Variants in CCN5 observed in about 807,000 individuals in gnomAD.
CCN5 encodes the protein CCN family member 5.
CCN5 carries 17 observed loss-of-function variants against 18.7 expected under a neutral mutation model. The ratio of observed to expected loss-of-function variants is 0.91; its 90% CI spans 0.62 to 1.36. The LOEUF (loss-of-function observed/expected upper bound fraction) is 1.36, where lower values mean the gene tolerates loss of function less well. Ranked by LOEUF, CCN5 falls within the 40% of genes most tolerant of loss-of-function variation. CCN5 has a pLI of 0.00. For missense variants in CCN5, 367 were observed against 342.9 expected (o/e 1.07, Z -0.56); for synonymous variants, 135 against 145.2 (o/e 0.93, Z 0.50).
chr20:44,725,908 A>T (rs2065933231), intron 3 of CCN5, among the ~76,000 whole-genome samples: 1 of 152,086 alleles, frequency 6.6e-6, no homozygotes, highest in East Asian at 1.9e-4. Flanking sequence ...GTGACTTTCT[A>T]AAAAAGGCAA....
intron 3 of CCN5, among the ~76,000 whole-genome samples, chr20:44,726,426 G>A (rs766755029): frequency 6.6e-6 from 1 of 151,964 alleles, no homozygotes; most frequent in Non-Finnish European, 1.5e-5. Context: ...AGTGACAATT[G>A]GGGCAAGTAA....
Position 44,724,798 on chromosome 20 carries a change from T to C in CCN5, c.338T>C (p.Phe113Ser), listed in dbSNP as rs1357186133. ...CGCCTGTATCGGGAAGGGGAGACCT[T>C]CCAGCCCCACTGCAGCATCCGCTGC... ...NGRLYREGET[F>S]QPHCSIRCRC... Residue 113 changes from phenylalanine (F) to serine (S), a missense_variant, in exon 3 of 4, where the codon TTC becomes TCC. By Grantham distance (155) the Phe-to-Ser change is radical (BLOSUM62 -2). Transcript: ENST00000190983. The C allele has an allele frequency of 1.2e-5, 20 of 1,612,378 alleles. No individual in the cohort carries two copies. Among genetic ancestry groups the C allele is most frequent in the Non-Finnish European group, 1.7e-5 (20 of 1,179,860 alleles).
At chr20:44,716,734 T>C (rs1202279546) in intron 1 of CCN5, 1 of 152,296 alleles carries the variant, frequency 6.6e-6, no homozygotes, top group African/African-American at 2.4e-5. Context: ...ACTGTAAGTC[T>C]TCCAGGCTGG....
chr20:44,727,516 CT>C lies in CCN5; in HGVS notation c.*212del. ...TGGCAGAGGTGCAAGACCTAGTCCC[CT>C]TTCCTCTAACTCACTGCCTAGGAGG... is the stretch of plus-strand genomic sequence containing the variant. On this transcript the variant is annotated 3_prime_UTR_variant, in exon 4 of 4. Transcript: ENST00000190983. The C allele has an allele frequency of 7.2e-7, 1 of 1,390,640 alleles. No individual in the cohort carries two copies. Among genetic ancestry groups the C allele is most frequent in the Non-Finnish European group, 9.4e-7 (1 of 1,069,110 alleles). 86.1% of individuals were successfully genotyped at this position (1,390,640 alleles called of 1,614,324 possible). A position where few individuals can be genotyped will look rare whatever the true frequency, so the allele number is the denominator to read the frequency against.
intron 1 of CCN5, among the ~76,000 whole-genome samples, chr20:44,719,605 G>A (rs2065883204): frequency 6.6e-6 from 1 of 152,088 alleles, no homozygotes; most frequent in Admixed American, 6.5e-5. Flanking sequence ...AGTGAGGCTG[G>A]GATCGCGCCA....
Position 44,720,065 on chromosome 20 carries a change from G to T in CCN5, c.229G>T (p.Val77Phe). 1 of 1,584,960 alleles carries T rather than the reference G, an allele frequency of 6.3e-7. No homozygotes were observed. Among genetic ancestry groups the T allele is most frequent in the Non-Finnish European group, 8.5e-7 (1 of 1,171,188 alleles). Reference protein sequence around the residue: ...LHVCDASQGLVCQPGAGPGGR... With the variant: ...LHVCDASQGLFCQPGAGPGGR... ...CGTCTGCGACGCCAGCCAGGGCCTG[G>T]TCTGCCAGCCCGGGGCAGGACCCGG... The change falls in exon 2 of 4, where the codon GTC becomes TTC. Residue 77 changes from valine to phenylalanine, a missense_variant. Coordinates refer to ENST00000190983, the MANE Select transcript of CCN5 (RefSeq NM_003881.4).
At chr20:44,725,021 C>T (rs907017551) in intron 3 of CCN5, 29 bp downstream of exon 3, 14 of 1,507,482 alleles carry the variant, frequency 9.3e-6, no homozygotes, top group African/African-American at 1.4e-5. Context: ...CAGGTCAGGG[C>T]AGGACTGCCT....
chr20:44,727,476 C>G lies in CCN5; in HGVS notation c.*169C>G, dbSNP rs993083889. ...AATATTAACACGCTGCCTGGTCTGTCTGGATCCCGAGGTATGGCAGAGGTG... is the reference window on the plus strand; with the variant it reads ...AATATTAACACGCTGCCTGGTCTGTGTGGATCCCGAGGTATGGCAGAGGTG... On this transcript the variant is annotated 3_prime_UTR_variant, in exon 4 of 4. Transcript: ENST00000190983. 3 of 1,427,836 alleles carry G rather than the reference C, an allele frequency of 2.1e-6. No individual in the cohort carries two copies. The highest frequency in any genetic ancestry group is 3.1e-5 in the Admixed American group (1 of 32,186). 88.4% of individuals were successfully genotyped at this position (1,427,836 alleles called of 1,614,324 possible). A position where few individuals can be genotyped will look rare whatever the true frequency, so the allele number is the denominator to read the frequency against.
chr20:44,718,280 T>G (rs1336624273), intron 1 of CCN5, among the ~76,000 whole-genome samples: 1 of 152,008 alleles, frequency 6.6e-6, no homozygotes, highest in Non-Finnish European at 1.5e-5. Flanking sequence ...TGCAGGATTG[T>G]GGGTAGTGGG....
Position 44,724,732 on chromosome 20 carries a change from C to T in CCN5, c.278-6C>T, listed in dbSNP as rs1227478065. 1.2e-6 allele frequency: 2 copies of T among 1,612,444 alleles called. No homozygotes were observed. The highest frequency in any genetic ancestry group is 1.1e-5 in the South Asian group (1 of 91,012). The stretch of plus-strand genomic sequence containing the variant: ...CACCGATGGGGGTGCGGTTTTTCCT[C>T]CGCAGTGGCAGAGGACGACAGCAGC... On this transcript the variant is annotated splice_polypyrimidine_tract_variant and splice_region_variant and intron_variant, in intron 2 of 3. Coordinates refer to ENST00000190983, the MANE Select transcript of CCN5 (RefSeq NM_003881.4).
At chr20:44,722,780 T>A (rs1311835287) in intron 2 of CCN5, among the ~76,000 whole-genome samples, 11 of 151,930 alleles carry the variant, frequency 7.2e-5, no homozygotes, top group Admixed American at 6.6e-4. Flanking sequence ...GGTCTAGACA[T>A]CTCTCTTTTC....
Position 44,715,474 on chromosome 20 carries a change from T to A in CCN5, c.60+24T>A, listed in dbSNP as rs766714798. On this transcript the variant is annotated intron_variant, in intron 1 of 3. Coordinates refer to ENST00000190983, the MANE Select transcript of CCN5 (RefSeq NM_003881.4). Reference sequence around the variant, plus strand: ...AGGTAAGGAGGCCCGGGCCCTGGAATGCACTGCTGACTATTTGGGTGTGGA... The same window carrying A: ...AGGTAAGGAGGCCCGGGCCCTGGAAAGCACTGCTGACTATTTGGGTGTGGA... 19 of 1,577,662 alleles carry A rather than the reference T, an allele frequency of 1.2e-5. No homozygotes were observed. In the East Asian group the frequency reaches 3.9e-4, roughly 33 times the overall value.
chr20:44,715,111 C>CAT (rs2065846431), upstream of CCN5: 4 of 457,434 alleles, frequency 8.7e-6, no homozygotes, highest in Non-Finnish European at 1.2e-5. Flanking sequence ...CACACACACA[C>CAT]ACACACACGG....
Position 44,719,950 on chromosome 20 carries a change from A to G in CCN5, c.114A>G (p.Arg38=), listed in dbSNP as rs2065885816. Residue 38 remains arginine, a synonymous_variant, in exon 2 of 4, where the codon CGA becomes CGG. Transcript: ENST00000190983. Reference sequence around the variant, plus strand: ...GTACCTGCCCCTGGCCACCTCCCCGATGCCCGCTGGGAGTACCCCTGGTGC... The same window carrying G: ...GTACCTGCCCCTGGCCACCTCCCCGGTGCCCGCTGGGAGTACCCCTGGTGC... ...TPCTCPWPPP[R]CPLGVPLVLD... 1 of 1,613,686 alleles carries G rather than the reference A, an allele frequency of 6.2e-7. No individual in the cohort carries two copies. The highest frequency in any genetic ancestry group is 8.5e-7 in the Non-Finnish European group (1 of 1,179,910).
chr20:44,716,512 G>A (rs775008512), intron 1 of CCN5: 3 of 152,344 alleles, frequency 2.0e-5, no homozygotes, highest in Non-Finnish European at 2.9e-5. Flanking sequence ...GCCAGTGTGG[G>A]TGGCTTGGGT....
chr20:44,715,450 G>C lies in CCN5; in HGVS notation c.60G>C (p.Lys20Asn), dbSNP rs2065853243. ...LAFSLLCLLS[K>N]VRTQLCPTPC... ...TCTCCCTCCTCTGCCTCCTCTCAAA[G>C]GTAAGGAGGCCCGGGCCCTGGAATG... is the stretch of plus-strand genomic sequence containing the variant. Residue 20 changes from lysine to asparagine, a missense_variant and splice_region_variant, in exon 1 of 4, where the codon AAG becomes AAC. By Grantham distance (94) the Lys-to-Asn change is moderately conservative (BLOSUM62 0). Coordinates refer to ENST00000190983, the MANE Select transcript of CCN5 (RefSeq NM_003881.4). 6.3e-7 allele frequency: 1 copy of C among 1,592,812 alleles called. No individual in the cohort carries two copies. The highest frequency in any genetic ancestry group is 1.3e-5 in the African/African-American group (1 of 74,588).
chr20:44,726,982 G>A, intron 3 of CCN5, 105 bp from the exon 4 acceptor site: 2 of 1,098,112 alleles, frequency 1.8e-6, no homozygotes, highest in Non-Finnish European at 2.6e-6. Context: ...GAGATGCAGA[G>A]AGGCTGAGCC....
chr20:44,727,660 C>A lies in CCN5; in HGVS notation c.*353C>A. 1 of 637,184 alleles carries A rather than the reference C, an allele frequency of 1.6e-6. No individual in the cohort carries two copies. The highest frequency in any genetic ancestry group is 2.3e-6 in the Non-Finnish European group (1 of 443,530). 39.5% of individuals were successfully genotyped at this position (637,184 alleles called of 1,614,324 possible). On this transcript the variant is annotated 3_prime_UTR_variant, in exon 4 of 4. Coordinates refer to ENST00000190983, the MANE Select transcript of CCN5 (RefSeq NM_003881.4). ...TCCCCTGGGCAAGAGATGGGACAAG[C>A]AGTCCCTTAATATTGAGGCTGCAGC...
chr20:44,716,292 T>A (rs545090053), intron 1 of CCN5, among the ~76,000 whole-genome samples: 44 of 152,298 alleles, frequency 2.9e-4, no homozygotes, highest in African/African-American at 9.6e-4. Flanking sequence ...CTAAGCCTTG[T>A]CATCCCCTCG....
Sources: gnomAD v4.1 joint callset for allele counts (sites outside exome capture counted in the v4.1 genomes callset) on GRCh38, gnomAD v4.1.1 for gene constraint, MANE v1.5 for transcripts, NCBI Gene and HGNC (gene_info 2026-07-23, HGNC 2026-07-21) for gene names.